FAP: variants seen among roughly 807,000 people sequenced by gnomAD.
FAP encodes the protein fibroblast activation protein alpha.
In FAP, 110 loss-of-function variants were observed where a neutral mutation model predicts 126.5. That is an observed-to-expected ratio of 0.87 (90% CI 0.74 to 1.02). The LOEUF (loss-of-function observed/expected upper bound fraction) is 1.02. FAP is among the 50% of genes least tolerant of loss of function. The pLI is 0.00. For missense variants in FAP, 919 were observed against 909.2 expected, an observed-to-expected ratio of 1.01 and a Z score of -0.14; for synonymous variants, 334 against 297.3, an observed-to-expected ratio of 1.12 and a Z score of -1.27.
chr2:162,191,375 C>T (rs13399066), intron 17 of FAP, among the ~76,000 whole-genome samples: 10,199 of 152,024 alleles, frequency 0.067, 1,147 homozygotes, highest in African/African-American at 0.23. Context: ...CCTCTTGGAG[C>T]ACAAACAGAA....
intron 10 of FAP, 21 bp downstream of exon 10, chr2:162,215,877 G>A: frequency 2.6e-6 from 4 of 1,541,310 alleles, no homozygotes; most frequent in Non-Finnish European, 3.6e-6. Flanking sequence ...AGAAAGATGG[G>A]AGGGATCTGA....
intron 20 of FAP, among the ~76,000 whole-genome samples, chr2:162,184,470 C>T (rs140187178): frequency 6.6e-6 from 1 of 152,324 alleles, no homozygotes; most frequent in East Asian, 1.9e-4. Context: ...AGGGATTTCA[C>T]AGCAACCATT....
Position 162,170,786 on chromosome 2 carries a change from G to A in FAP, c.*193C>T. 1.9e-6 allele frequency: 1 copy of A among 520,262 alleles called. No individual in the cohort carries two copies. The highest frequency in any genetic ancestry group is 2.8e-5 in the South Asian group (1 of 35,524). The allele number at this position is 520,262 out of a possible 1,614,324, so 32.2% of individuals were successfully genotyped here. A position where few individuals can be genotyped will look rare whatever the true frequency, so the allele number is the denominator to read the frequency against. Reference sequence around the variant, plus strand: ...TGACTCCCTTTTCTCTTCTTTCACAGAGTACCAGAAAATGTAAACAATATT... The same window carrying A: ...TGACTCCCTTTTCTCTTCTTTCACAAAGTACCAGAAAATGTAAACAATATT... On this transcript the variant is annotated 3_prime_UTR_variant, in exon 26 of 26. Coordinates refer to ENST00000188790, the MANE Select transcript of FAP (RefSeq NM_004460.5).
At chr2:162,200,175 C>T (rs1280387548) in intron 15 of FAP, among the ~76,000 whole-genome samples, 1 of 151,966 alleles carries the variant, frequency 6.6e-6, no homozygotes, top group Non-Finnish European at 1.5e-5. Flanking sequence ...TGGGTGGTGC[C>T]AAAGTGAGAC....
At chr2:162,238,664 G>C (rs1398195433) in intron 2 of FAP, among the ~76,000 whole-genome samples, 4 of 152,104 alleles carry the variant, frequency 2.6e-5, no homozygotes, top group Admixed American at 2.6e-4. Flanking sequence ...AAACTCTTAA[G>C]ATGTTTGAGG....
intron 11 of FAP, 140 bp downstream of exon 11, chr2:162,213,798 C>CT: frequency 1.5e-6 from 1 of 665,364 alleles, no homozygotes; most frequent in Non-Finnish European, 2.4e-6. Context: ...CCCATGAATA[C>CT]TGAGTGTGTT....
intron 2 of FAP, among the ~76,000 whole-genome samples, chr2:162,232,376 G>C (rs985332838): frequency 1.3e-5 from 2 of 152,184 alleles, no homozygotes; most frequent in African/African-American, 4.8e-5. Context: ...TTTAAATTCA[G>C]CTGCATCTGG....
intron 2 of FAP, among the ~76,000 whole-genome samples, chr2:162,237,648 G>A (rs1690192451): frequency 6.6e-6 from 1 of 152,208 alleles, no homozygotes; most frequent in Non-Finnish European, 1.5e-5. Flanking sequence ...TGTGAACAGT[G>A]CTGCAATAAA....
chr2:162,191,285 A>G (rs1688030705), intron 17 of FAP, among the ~76,000 whole-genome samples: 1 of 152,082 alleles, frequency 6.6e-6, no homozygotes, highest in African/African-American at 2.4e-5. Context: ...ACATGACTTA[A>G]TGAAATGCAA....
intron 12 of FAP, among the ~76,000 whole-genome samples, chr2:162,203,528 T>C (rs541628425): frequency 6.6e-6 from 1 of 152,246 alleles, no homozygotes; most frequent in Non-Finnish European, 1.5e-5. Flanking sequence ...GCTCATTGAC[T>C]ATACCTCTTT....
intron 21 of FAP, among the ~76,000 whole-genome samples, chr2:162,179,559 C>T (rs1223011706): frequency 1.3e-5 from 2 of 151,964 alleles, no homozygotes; most frequent in Admixed American, 6.6e-5. Flanking sequence ...AACAGACAGA[C>T]AAGACACAAC....
chr2:162,206,908 C>A (rs1688722116), intron 12 of FAP, among the ~76,000 whole-genome samples: 1 of 152,178 alleles, frequency 6.6e-6, no homozygotes, highest in Non-Finnish European at 1.5e-5. Flanking sequence ...TTTAGCAAGT[C>A]ATTTAATCTC....
At chr2:162,188,897 C>A (rs1372305389) in intron 19 of FAP, among the ~76,000 whole-genome samples, 2 of 151,988 alleles carry the variant, frequency 1.3e-5, no homozygotes, top group African/African-American at 2.4e-5. Flanking sequence ...ACAGCAAATG[C>A]AAGCAAGTCC....
chr2:162,215,066 C>T (rs1576177267), intron 10 of FAP, among the ~76,000 whole-genome samples: 1 of 152,098 alleles, frequency 6.6e-6, no homozygotes, highest in African/African-American at 2.4e-5. Context: ...AAGTTTTCAT[C>T]GACTCGATCA....
intron 12 of FAP, among the ~76,000 whole-genome samples, chr2:162,207,233 C>G (rs1688738078): frequency 1.3e-5 from 2 of 152,116 alleles, no homozygotes; most frequent in Non-Finnish European, 2.9e-5. Context: ...TTTCAAAAGG[C>G]ATGTCAGAAC....
At chr2:162,229,337 T>C in intron 2 of FAP, among the ~76,000 whole-genome samples, 1 of 152,158 alleles carries the variant, frequency 6.6e-6, no homozygotes, top group Non-Finnish European at 1.5e-5. Context: ...AATAAATGTT[T>C]TAGATCAATG....
At chr2:162,198,414 C>T (rs757095940) in intron 16 of FAP, 18 of 1,179,862 alleles carry the variant, frequency 1.5e-5, no homozygotes, top group South Asian at 1.0e-4. Context: ...GCCTAGCTGA[C>T]GGGTTGCCTC....
chr2:162,211,277 G>A (rs1688922835), intron 11 of FAP, among the ~76,000 whole-genome samples: 1 of 152,264 alleles, frequency 6.6e-6, no homozygotes, highest in South Asian at 2.1e-4. Flanking sequence ...GTTCCCGAAT[G>A]ACTATATGAA....
At chr2:162,233,729 C>T (rs749310944) in intron 2 of FAP, among the ~76,000 whole-genome samples, 3 of 151,978 alleles carry the variant, frequency 2.0e-5, no homozygotes, top group Admixed American at 1.3e-4. Context: ...TTGATGAAGT[C>T]CAATTTATGT....
Sources: allele counts gnomAD v4.1 joint callset (sites outside exome capture counted in the v4.1 genomes callset), GRCh38; gene constraint gnomAD v4.1.1; transcripts MANE v1.5; gene names NCBI Gene and HGNC (gene_info 2026-07-23, HGNC 2026-07-21).